The following SLC9B2 variants were observed in gnomAD, a reference collection of about 807,000 sequenced individuals.
SLC9B2 encodes solute carrier family 9 member B2, also known as sodium/hydrogen exchanger 9B2.
Under a neutral mutation model 52.2 loss-of-function variants are expected in SLC9B2, and 39 were observed. The ratio of observed to expected loss-of-function variants is 0.75; its 90% CI spans 0.58 to 0.98. The LOEUF is 0.98. Ranked by LOEUF, SLC9B2 falls within the 50% of genes least tolerant of loss-of-function variation. The pLI is 0.00. For synonymous variants in SLC9B2, 214 were observed against 227.0 expected, an observed-to-expected ratio of 0.94 and a Z score of 0.51; for missense variants, 626 against 637.5, an observed-to-expected ratio of 0.98 and a Z score of 0.19.
Position 103,060,533 on chromosome 4 carries a change from TTTTG to T in SLC9B2, c.272-2566_272-2563del, listed in dbSNP as rs1365459042. ...TTTTTTGTTTCCTTTTGCATGTTTT[TTTTG>T]TTTGTTTTTTTTTTTTTTTTAGTTT... On this transcript the variant is annotated intron_variant, in intron 3 of 11. Transcript: ENST00000394785. Among the ~76,000 whole-genome samples, 525 of 140,798 alleles carry T rather than the reference TTTTG, an allele frequency of 3.7e-3. 6 individuals are homozygous for T. Among genetic ancestry groups the T allele is most frequent in the African/African-American group, 0.013 (470 of 35,716 alleles). The allele number at this position is 140,798 out of a possible 152,430, so 92.4% of individuals were successfully genotyped here. A position where few individuals can be genotyped will look rare whatever the true frequency, so the allele number is the denominator to read the frequency against.
chr4:103,065,543 G>T (rs1345332261), intron 3 of SLC9B2: 1 of 151,788 alleles, frequency 6.6e-6, no homozygotes, highest in Non-Finnish European at 1.5e-5. Flanking sequence ...CTCAATAAAA[G>T]AATACTGTCT....
At chr4:103,056,684 C>T (rs1366600085) in intron 4 of SLC9B2, among the ~76,000 whole-genome samples, 1 of 152,208 alleles carries the variant, frequency 6.6e-6, no homozygotes, top group Non-Finnish European at 1.5e-5. Context: ...ACACAGTTTA[C>T]AAATATACAA....
chr4:103,043,927 T>C (rs1338199978), intron 8 of SLC9B2, among the ~76,000 whole-genome samples: 1 of 152,150 alleles, frequency 6.6e-6, no homozygotes, highest in Non-Finnish European at 1.5e-5. Context: ...GCCCCCTTGG[T>C]TTTTCTTTCT....
In SLC9B2 at chr4:103,024,325, T is replaced by C. The variant is rs185846838; in HGVS notation, c.*2045A>G. On this transcript the variant is annotated 3_prime_UTR_variant, in exon 12 of 12. Coordinates refer to ENST00000394785, the MANE Select transcript of SLC9B2 (RefSeq NM_178833.7). ...TAAGTTTATGGTGCTCCCAGCAAAGTGCACCTAACCAATGAAGTTCAGTTC... is the reference window on the plus strand; with the variant it reads ...TAAGTTTATGGTGCTCCCAGCAAAGCGCACCTAACCAATGAAGTTCAGTTC... 4.6e-5 allele frequency among the ~76,000 whole-genome samples: 7 copies of C among 152,308 alleles called. No individual in the cohort carries two copies. Among genetic ancestry groups the C allele is most frequent in the Non-Finnish European group, 1.5e-5 (1 of 68,026 alleles).
At chr4:103,019,630 G>A (rs186545446), downstream of SLC9B2, 12 of 985,370 alleles carry the variant, frequency 1.2e-5, no homozygotes, top group African/African-American at 3.5e-5. Context: ...TCGCTGGCCC[G>A]GGAGCGGCCC....
At chr4:103,033,623 TAA>T (rs60075468) in intron 9 of SLC9B2, among the ~76,000 whole-genome samples, 17 of 152,192 alleles carry the variant, frequency 1.1e-4, no homozygotes, top group Non-Finnish European at 2.2e-4. Flanking sequence ...AGTTTTAGGA[TAA>T]AAAATCAATG....
rs564824724 is a variant in SLC9B2, at chr4:103,068,017, A to G, written c.-42-425T>C. Among the ~76,000 whole-genome samples the G allele has an allele frequency of 5.9e-5, 9 of 152,326 alleles. No individual in the cohort carries two copies. The South Asian group carries it at 1.9e-3, about 32-fold the overall frequency. ...GGATTTCATCCTTTTCGGAGAATCT[A>G]GAGTCACTAACTCCTGCCTGGTTCT... On this transcript the variant is annotated intron_variant, in intron 1 of 11. Transcript: ENST00000394785.
intron 10 of SLC9B2, among the ~76,000 whole-genome samples, chr4:103,030,118 T>C (rs185641289): frequency 6.6e-6 from 1 of 152,290 alleles, no homozygotes; most frequent in East Asian, 1.9e-4. Context: ...AAGGAAGTTT[T>C]AGTTGAGTTT....
At chr4:103,054,896 CCAAAGGATTATAAAT>C (rs1214287522) in intron 4 of SLC9B2, among the ~76,000 whole-genome samples, 2 of 151,980 alleles carry the variant, frequency 1.3e-5, no homozygotes, top group African/African-American at 4.8e-5. Context: ...GGGTATATAC[CCAAAGGATTATAAAT>C]CATGCTGCTA....
chr4:103,070,009 A>G (rs76789629), intron 1 of SLC9B2, among the ~76,000 whole-genome samples: 26 of 152,344 alleles, frequency 1.7e-4, no homozygotes, highest in Non-Finnish European at 2.9e-4. Flanking sequence ...ACATTCCAGA[A>G]AAGTTCCCTA....
intron 1 of SLC9B2, among the ~76,000 whole-genome samples, chr4:103,067,876 C>A (rs998703798): frequency 6.6e-6 from 1 of 152,066 alleles, no homozygotes; most frequent in Non-Finnish European, 1.5e-5. Context: ...TAAAAACAAT[C>A]CAAGCAATAT....
At chr4:103,028,307 T>C (rs944707049) in intron 11 of SLC9B2, among the ~76,000 whole-genome samples, 1 of 152,120 alleles carries the variant, frequency 6.6e-6, no homozygotes, top group Non-Finnish European at 1.5e-5. Flanking sequence ...ATACAAAGAC[T>C]CTGGTCAAGC....
At chr4:103,072,428 C>A (rs558774354) in intron 1 of SLC9B2, among the ~76,000 whole-genome samples, 1 of 152,154 alleles carries the variant, frequency 6.6e-6, no homozygotes, top group Admixed American at 6.6e-5. Flanking sequence ...ACAAATGGAA[C>A]GACTAAGGTG....
intron 9 of SLC9B2, among the ~76,000 whole-genome samples, chr4:103,034,220 C>T (rs1742955738): frequency 6.6e-6 from 1 of 152,124 alleles, no homozygotes; most frequent in African/African-American, 2.4e-5. Context: ...ACCCCCTATT[C>T]AATAAACTGT....
chr4:103,020,339 G>A (rs1177349704), downstream of SLC9B2: 12 of 451,524 alleles, frequency 2.7e-5, no homozygotes, highest in East Asian at 8.4e-4. Context: ...GGTGGGCCCA[G>A]AAGCTTTGGC....
chr4:103,051,774 T>C (rs145447637), intron 4 of SLC9B2, among the ~76,000 whole-genome samples: 17 of 152,352 alleles, frequency 1.1e-4, no homozygotes, highest in Middle Eastern at 3.4e-3. Flanking sequence ...GTGTATAAGC[T>C]CTTTTGTGCT....
At chr4:103,061,775 G>A (rs1373457455) in intron 3 of SLC9B2, among the ~76,000 whole-genome samples, 1 of 152,158 alleles carries the variant, frequency 6.6e-6, no homozygotes, top group African/African-American at 2.4e-5. Context: ...ATGATTCCCT[G>A]TTTTCTTGAC....
chr4:103,025,131 C>T lies in SLC9B2; in HGVS notation c.*1239G>A, dbSNP rs1578433537. Among the ~76,000 whole-genome samples the T allele has an allele frequency of 1.3e-5, 2 of 152,116 alleles. No homozygotes were observed. The highest frequency in any genetic ancestry group is 1.3e-4 in the Admixed American group (2 of 15,276). ...GCCTCACAGCCGGATATGATCAATA[C>T]CAATAAATGTAGGAAAAGAGATGTG... On this transcript the variant is annotated 3_prime_UTR_variant, in exon 12 of 12. Transcript: ENST00000394785.
chr4:103,043,283 A>C lies in SLC9B2; in HGVS notation c.1146+13T>G. 6.3e-7 allele frequency: 1 copy of C among 1,592,382 alleles called. No individual in the cohort carries two copies. The highest frequency in any genetic ancestry group is 8.5e-7 in the Non-Finnish European group (1 of 1,173,150). On this transcript the variant is annotated intron_variant, in intron 9 of 11. Transcript: ENST00000394785. Reference sequence around the variant, plus strand: ...AAAGAGTCATGAGCAGAAAAACTTAAAATGAAATTCACCTTTTCGCTGGTC... The same window carrying C: ...AAAGAGTCATGAGCAGAAAAACTTACAATGAAATTCACCTTTTCGCTGGTC...
Sources: allele counts gnomAD v4.1 joint callset (sites outside exome capture counted in the v4.1 genomes callset), GRCh38; gene constraint gnomAD v4.1.1; transcripts MANE v1.5; gene names NCBI Gene and HGNC (gene_info 2026-07-23, HGNC 2026-07-21).